Variants in DIPK1A observed in about 807,000 individuals in gnomAD.
The protein encoded by DIPK1A is family with sequence similarity 69 member A.
DIPK1A carries 27 observed loss-of-function variants against 40.8 expected under a neutral mutation model. The observed-to-expected ratio is 0.66, with a 90% confidence interval of 0.49 to 0.91. The LOEUF is 0.91. Among genes scored for constraint, DIPK1A ranks in the 40% least tolerant of loss-of-function variants. DIPK1A has a pLI of 0.00. For synonymous variants in DIPK1A, 166 were observed against 171.3 expected (o/e 0.97, Z 0.24); for missense variants, 412 against 505.7 (o/e 0.81, Z 1.78).
intron 1 of DIPK1A, among the ~76,000 whole-genome samples, chr1:92,922,147 C>T (rs1319722702): frequency 6.6e-6 from 1 of 151,920 alleles, no homozygotes; most frequent in Non-Finnish European, 1.5e-5. Context: ...GCTTTCGTTT[C>T]ACTATTTTGT....
chr1:92,907,666 C>A (rs1244617333), intron 1 of DIPK1A, among the ~76,000 whole-genome samples: 1 of 151,852 alleles, frequency 6.6e-6, no homozygotes, highest in East Asian at 1.9e-4. Context: ...TCTTGAACTC[C>A]CCTGGGCTCA....
At chr1:92,959,252 C>T (rs2100928210) in intron 1 of DIPK1A, among the ~76,000 whole-genome samples, 1 of 151,756 alleles carries the variant, frequency 6.6e-6, no homozygotes, top group South Asian at 2.1e-4. Flanking sequence ...CACCACTGCA[C>T]TCCAGCCTGG....
chr1:92,954,415 T>A (rs1320270239), intron 1 of DIPK1A, among the ~76,000 whole-genome samples: 2 of 125,710 alleles, frequency 1.6e-5, no homozygotes, highest in African/African-American at 6.0e-5. Flanking sequence ...TCTCACTCTG[T>A]CACCCAGACT....
At chr1:92,833,107 T>C in intron 4 of DIPK1A, 1 of 692,780 alleles carries the variant, frequency 1.4e-6, no homozygotes, top group Non-Finnish European at 2.6e-6. Flanking sequence ...ATTTTATACC[T>C]GTTAAATGTA....
intron 1 of DIPK1A, among the ~76,000 whole-genome samples, chr1:92,949,282 CT>C (rs981070129): frequency 6.7e-6 from 1 of 149,792 alleles, no homozygotes; most frequent in Non-Finnish European, 1.5e-5. Flanking sequence ...TCAAATAATT[CT>C]TTTTTTTTGA....
At chr1:92,913,564 A>G (rs1355108763) in intron 1 of DIPK1A, among the ~76,000 whole-genome samples, 1 of 152,218 alleles carries the variant, frequency 6.6e-6, no homozygotes, top group Non-Finnish European at 1.5e-5. Context: ...TCCATGACAC[A>G]TTCTTTATAA....
At position 92,928,977 on chromosome 1, in the gene DIPK1A, A is replaced by C. The variant is rs962262759; in HGVS notation, c.54+32399T>G. ...ACTCCATCTCAAAGAAAAAAAAAAGAAAAAAAGAAAAAATTTCTCTTTCTC... is the reference window on the plus strand; with the variant it reads ...ACTCCATCTCAAAGAAAAAAAAAAGCAAAAAAGAAAAAATTTCTCTTTCTC... On this transcript the variant is annotated intron_variant, in intron 1 of 4. Coordinates refer to ENST00000370310, the MANE Select transcript of DIPK1A (RefSeq NM_001006605.5). Among the ~76,000 whole-genome samples, 43 of 152,050 alleles carry C rather than the reference A, an allele frequency of 2.8e-4. 1 individual carries two copies. Among genetic ancestry groups the C allele is most frequent in the African/African-American group, 1.0e-3 (42 of 41,422 alleles).
chr1:92,893,031 G>A (rs1648972222), intron 1 of DIPK1A, among the ~76,000 whole-genome samples: 1 of 152,144 alleles, frequency 6.6e-6, no homozygotes, highest in Non-Finnish European at 1.5e-5. Flanking sequence ...TCTGATTGGT[G>A]TAACTGAAAG....
At chr1:92,948,809 A>ATT (rs556859459) in intron 1 of DIPK1A, among the ~76,000 whole-genome samples, 1 of 138,734 alleles carries the variant, frequency 7.2e-6, no homozygotes, top group African/African-American at 3.0e-5. Flanking sequence ...ATATATATAT[A>ATT]TTTTTCCCCC....
At chr1:92,887,804 C>G (rs1438366189) in intron 1 of DIPK1A, among the ~76,000 whole-genome samples, 2 of 152,122 alleles carry the variant, frequency 1.3e-5, no homozygotes, top group Admixed American at 6.5e-5. Context: ...TGAGAACATA[C>G]AGAGGATAAG....
At position 92,922,333 on chromosome 1, in the gene DIPK1A, C is replaced by CTTTTTTTT. The variant is rs368331487; in HGVS notation, c.54+39035_54+39042dup. Among the ~76,000 whole-genome samples, 729 of 144,676 alleles carry CTTTTTTTT rather than the reference C, an allele frequency of 5.0e-3. 7 individuals are homozygous for CTTTTTTTT. Among genetic ancestry groups the CTTTTTTTT allele is most frequent in the African/African-American group, 0.017 (686 of 39,316 alleles). 94.9% of individuals were successfully genotyped at this position (144,676 alleles called of 152,430 possible). A position where few individuals can be genotyped will look rare whatever the true frequency, so the allele number is the denominator to read the frequency against. On this transcript the variant is annotated intron_variant, in intron 1 of 4. Coordinates refer to ENST00000370310, the MANE Select transcript of DIPK1A (RefSeq NM_001006605.5). ...GTTTTTTTGGAGAAATTTTTCTTTT[C>CTTTTTTTT]TTTTTTTTTTAGCATTATTGTACTG... is the stretch of plus-strand genomic sequence containing the variant.
chr1:92,887,886 CACTCT>C (rs1648684826), intron 1 of DIPK1A, among the ~76,000 whole-genome samples: 1 of 151,976 alleles, frequency 6.6e-6, no homozygotes, highest in African/African-American at 2.4e-5. Flanking sequence ...AGCCTGCACT[CACTCT>C]ACTCTACTGC....
chr1:92,886,584 C>A (rs1309809738), intron 1 of DIPK1A, among the ~76,000 whole-genome samples: 18 of 151,864 alleles, frequency 1.2e-4, no homozygotes, highest in African/African-American at 4.4e-4. Flanking sequence ...ACTTATCTAA[C>A]CCTATCTGTA....
At position 92,845,609 on chromosome 1, in the gene DIPK1A, C is replaced by T. The variant is rs552921082; in HGVS notation, c.475-1414G>A. ...ATCCCAGCGCTTTGGGAGGCTGAGG[C>T]GGGTGGATCACCATGAGGTCAGGAG... On this transcript the variant is annotated intron_variant, in intron 4 of 4. Transcript: ENST00000370310. The T allele has an allele frequency of 1.9e-4, 49 of 259,606 alleles. 1 individual carries two copies. The East Asian group carries it at 5.0e-3, about 27-fold the overall frequency. The allele number at this position is 259,606 out of a possible 1,614,324, so 16.1% of individuals were successfully genotyped here. A position where few individuals can be genotyped will look rare whatever the true frequency, so the allele number is the denominator to read the frequency against.
At chr1:92,841,737 TA>T (rs1233891263), downstream of DIPK1A, 4 of 1,480,664 alleles carry the variant, frequency 2.7e-6, no homozygotes, top group South Asian at 2.3e-5. Context: ...AGTTATAGTT[TA>T]AAAAATATAT....
chr1:92,846,858 T>TATATACAC lies in DIPK1A; in HGVS notation c.474+324_474+325insGTGTATAT. Among the ~76,000 whole-genome samples the TATATACAC allele has an allele frequency of 1.5e-3, 7 of 4,818 alleles. 2 individuals carry two copies. Among genetic ancestry groups the TATATACAC allele is most frequent in the African/African-American group, 9.9e-3 (6 of 608 alleles). 3.2% of individuals were successfully genotyped at this position (4,818 alleles called of 152,430 possible). On this transcript the variant is annotated intron_variant, in intron 4 of 4. Transcript: ENST00000370310. ...ATATATATATGTGTGTATATATATA[T>TATATACAC]GTGTGTATATATATATATATATATA...
intron 4 of DIPK1A, among the ~76,000 whole-genome samples, chr1:92,845,267 T>A (rs1317237653): frequency 1.4e-5 from 2 of 147,488 alleles, no homozygotes; most frequent in African/African-American, 5.0e-5. Context: ...TTCCTTTAAA[T>A]TAAAAAAATA....
chr1:92,838,593 A>G (rs1687215066), downstream of DIPK1A, among the ~76,000 whole-genome samples: 1 of 152,176 alleles, frequency 6.6e-6, no homozygotes. Flanking sequence ...CATTAATTTT[A>G]TCTACAGTGG....
intron 3 of DIPK1A, among the ~76,000 whole-genome samples, chr1:92,848,654 T>C (rs922921119): frequency 2.6e-5 from 4 of 152,192 alleles, no homozygotes; most frequent in African/African-American, 9.7e-5. Flanking sequence ...TTTTGCACTG[T>C]CTAAAATTAT....
Sources: gnomAD v4.1 joint callset for allele counts (sites outside exome capture counted in the v4.1 genomes callset) on GRCh38, gnomAD v4.1.1 for gene constraint, MANE v1.5 for transcripts, NCBI Gene and HGNC (gene_info 2026-07-23, HGNC 2026-07-21) for gene names.